Variants in XPR1 observed in about 807,000 individuals in gnomAD.
XPR1 encodes the protein solute carrier family 53 member 1.
XPR1 carries 28 observed loss-of-function variants against 87.5 expected under a neutral mutation model. That is an observed-to-expected ratio of 0.32 (90% CI 0.24 to 0.44). The LOEUF is 0.44. XPR1 is among the 20% of genes least tolerant of loss of function. The pLI is 1.00. For missense variants in XPR1, 559 were observed against 862.3 expected (o/e 0.65, Z 4.41); for synonymous variants, 300 against 306.1 (o/e 0.98, Z 0.21).
chr1:180,794,477 A>C (rs1649499730), intron 3 of XPR1, among the ~76,000 whole-genome samples: 1 of 152,204 alleles, frequency 6.6e-6, no homozygotes, highest in African/African-American at 2.4e-5. Flanking sequence ...TACTAAATAC[A>C]CCTGTTGTGT....
Position 180,744,650 on chromosome 1 carries a change from C to CTTTTTTTTTTTTTTTTTTTTTTT in XPR1, c.122-43100_122-43099insTTTTTTTTTTTTTTTTTTTTTTT, listed in dbSNP as rs200044209. On this transcript the variant is annotated intron_variant, in intron 2 of 14. Coordinates refer to ENST00000367590, the MANE Select transcript of XPR1 (RefSeq NM_004736.4). ...ACTTGTTCAGGTTTAGGCACAATTTCTTTCTTTTTTTTTTTTTTGAGACAG... is the reference window on the plus strand; with the variant it reads ...ACTTGTTCAGGTTTAGGCACAATTTCTTTTTTTTTTTTTTTTTTTTTTTTTTCTTTTTTTTTTTTTTGAGACAG... 1.8e-3 allele frequency among the ~76,000 whole-genome samples: 104 copies of CTTTTTTTTTTTTTTTTTTTTTTT among 56,948 alleles called. 21 individuals carry two copies. The highest frequency in any genetic ancestry group is 5.3e-3 in the African/African-American group (91 of 17,134). The allele number at this position is 56,948 out of a possible 152,430, so 37.4% of individuals were successfully genotyped here. A position where few individuals can be genotyped will look rare whatever the true frequency, so the allele number is the denominator to read the frequency against.
intron 2 of XPR1, among the ~76,000 whole-genome samples, chr1:180,742,894 C>T (rs935916642): frequency 4.0e-5 from 6 of 151,884 alleles, no homozygotes; most frequent in Admixed American, 1.3e-4. Flanking sequence ...ATATCTCTAT[C>T]CTTGGTAATT....
chr1:180,703,162 C>G (rs1657412918), intron 2 of XPR1, among the ~76,000 whole-genome samples: 1 of 152,066 alleles, frequency 6.6e-6, no homozygotes, highest in African/African-American at 2.4e-5. Context: ...TCCTTGGGCA[C>G]CAGTGGTGGT....
At chr1:180,668,123 CT>C (rs758456790) in intron 1 of XPR1, among the ~76,000 whole-genome samples, 10,942 of 94,656 alleles carry the variant, frequency 0.12, 450 homozygotes, top group East Asian at 0.19. Context: ...TTCCCTCTAT[CT>C]TTTTTTTTTT....
intron 1 of XPR1, among the ~76,000 whole-genome samples, chr1:180,643,062 G>A (rs1291878856): frequency 6.6e-6 from 1 of 152,100 alleles, no homozygotes; most frequent in African/African-American, 2.4e-5. Flanking sequence ...AAAGACTGAA[G>A]GGTGTGTAAT....
chr1:180,729,558 G>C (rs577413734), intron 2 of XPR1, among the ~76,000 whole-genome samples: 63 of 152,290 alleles, frequency 4.1e-4, no homozygotes, highest in African/African-American at 1.4e-3. Context: ...AACCTCGCCA[G>C]CATCTTTTAT....
At chr1:180,802,618 A>ATGTT (rs1241006471) in intron 3 of XPR1, among the ~76,000 whole-genome samples, 14 of 152,192 alleles carry the variant, frequency 9.2e-5, no homozygotes, top group Admixed American at 7.9e-4. Flanking sequence ...AACCATCACT[A>ATGTT]CCAATTCTGG....
At chr1:180,676,727 A>G (rs1200251359) in intron 1 of XPR1, among the ~76,000 whole-genome samples, 2 of 152,236 alleles carry the variant, frequency 1.3e-5, no homozygotes, top group Admixed American at 6.5e-5. Context: ...CTGAGTATAT[A>G]TACATTTTTT....
At chr1:180,803,058 A>T (rs948632757) in intron 3 of XPR1, among the ~76,000 whole-genome samples, 2 of 152,186 alleles carry the variant, frequency 1.3e-5, no homozygotes, top group African/African-American at 4.8e-5. Flanking sequence ...CTAGGAATGG[A>T]ATTGCTGAAT....
chr1:180,696,171 T>C (rs988879996), intron 2 of XPR1, among the ~76,000 whole-genome samples: 19 of 83,814 alleles, frequency 2.3e-4, no homozygotes, highest in Non-Finnish European at 3.6e-4. Context: ...CCTGGGTGTG[T>C]GTGTGTGTGT....
chr1:180,780,502 G>T (rs1217117372), intron 2 of XPR1, among the ~76,000 whole-genome samples: 1 of 152,064 alleles, frequency 6.6e-6, no homozygotes, highest in Non-Finnish European at 1.5e-5. Context: ...TAAAAATTTG[G>T]TTATATGTCT....
intron 2 of XPR1, among the ~76,000 whole-genome samples, chr1:180,724,037 C>A (rs1256587011): frequency 6.6e-6 from 1 of 151,944 alleles, no homozygotes; most frequent in East Asian, 1.9e-4. Flanking sequence ...TAATAAAAAA[C>A]CAGAATTACA....
intron 2 of XPR1, among the ~76,000 whole-genome samples, chr1:180,759,933 A>G (rs2102050268): frequency 6.6e-6 from 1 of 152,370 alleles, no homozygotes; most frequent in Non-Finnish European, 1.5e-5. Context: ...AGTGGGCTTC[A>G]TCCCTGGGAT....
chr1:180,649,336 G>C (rs980736616), intron 1 of XPR1, among the ~76,000 whole-genome samples: 1 of 152,076 alleles, frequency 6.6e-6, no homozygotes, highest in Admixed American at 6.5e-5. Context: ...GGAGGCTGAG[G>C]CACGAGAATG....
At position 180,886,223 on chromosome 1, in the gene XPR1, A is replaced by G. The variant is rs978836891; in HGVS notation, c.*2157A>G. ...TAACTATTCTGTTTTTTGTACTTTA[A>G]AACTATGGGGGAAATATCACTGGTC... On this transcript the variant is annotated 3_prime_UTR_variant, in exon 15 of 15. Coordinates refer to ENST00000367590, the MANE Select transcript of XPR1 (RefSeq NM_004736.4). 6.6e-5 allele frequency: 10 copies of G among 152,154 alleles called. No homozygotes were observed. The highest frequency in any genetic ancestry group is 2.2e-4 in the African/African-American group (9 of 41,438). 9.4% of individuals were successfully genotyped at this position (152,154 alleles called of 1,614,324 possible).
At position 180,726,875 on chromosome 1, in the gene XPR1, TTTC is replaced by T. The variant is rs1458691572; in HGVS notation, c.121+44467_121+44469del. Among the ~76,000 whole-genome samples the T allele has an allele frequency of 1.3e-4, 19 of 150,826 alleles. No individual in the cohort carries two copies. In the East Asian group the frequency reaches 3.5e-3, roughly 28 times the overall value. On this transcript the variant is annotated intron_variant, in intron 2 of 14. Coordinates refer to ENST00000367590, the MANE Select transcript of XPR1 (RefSeq NM_004736.4). ...TGAATATTTTTAAATGTATGTTTTC[TTTC>T]TTTTTTTTTTTTTTGAGATGGAGTC...
intron 9 of XPR1, among the ~76,000 whole-genome samples, chr1:180,833,882 A>G (rs1651170997): frequency 6.6e-6 from 1 of 152,214 alleles, no homozygotes; most frequent in South Asian, 2.1e-4. Flanking sequence ...AAGAATTACT[A>G]ATCAGTTCTT....
At chr1:180,805,166 T>C (rs758561891) in intron 4 of XPR1, among the ~76,000 whole-genome samples, 2 of 152,194 alleles carry the variant, frequency 1.3e-5, no homozygotes, top group Non-Finnish European at 2.9e-5. Flanking sequence ...GATGTATGTA[T>C]GCACCCCACA....
chr1:180,722,543 G>A (rs1489920696), intron 2 of XPR1, among the ~76,000 whole-genome samples: 1 of 152,140 alleles, frequency 6.6e-6, no homozygotes, highest in African/African-American at 2.4e-5. Context: ...GGTGTAAAAT[G>A]ATCTGACATA....
Sources: gnomAD v4.1 joint callset for allele counts (sites outside exome capture counted in the v4.1 genomes callset) on GRCh38, gnomAD v4.1.1 for gene constraint, MANE v1.5 for transcripts, NCBI Gene and HGNC (gene_info 2026-07-23, HGNC 2026-07-21) for gene names.